Variants in PDE4B observed in about 807,000 individuals in gnomAD.
PDE4B encodes the protein phosphodiesterase 4B.
PDE4B carries 20 observed loss-of-function variants against 82.2 expected under a neutral mutation model. The ratio of observed to expected loss-of-function variants is 0.24; its 90% CI spans 0.17 to 0.35. The LOEUF is 0.35. PDE4B is among the 10% of genes least tolerant of loss of function. PDE4B has a pLI of 1.00. For synonymous variants in PDE4B, 320 were observed against 318.9 expected (o/e 1.00, Z -0.04); for missense variants, 655 against 907.2 (o/e 0.72, Z 3.57).
At chr1:66,014,722 A>C (rs1364686933) in intron 3 of PDE4B, among the ~76,000 whole-genome samples, 1 of 152,156 alleles carries the variant, frequency 6.6e-6, no homozygotes, top group Admixed American at 6.6e-5. Context: ...AACATTTAGC[A>C]GTAGGTGGGG....
At chr1:66,354,482 G>A in intron 8 of PDE4B, 3 of 1,025,220 alleles carry the variant, frequency 2.9e-6, no homozygotes, top group South Asian at 8.2e-5. Flanking sequence ...AGCTGAGTAG[G>A]ACTAATGTAG....
At chr1:66,131,950 C>T (rs1379190681) in intron 3 of PDE4B, among the ~76,000 whole-genome samples, 1 of 151,846 alleles carries the variant, frequency 6.6e-6, no homozygotes, top group African/African-American at 2.4e-5. Context: ...ATGTAGAACC[C>T]TATGAGGGAA....
chr1:66,053,559 T>A (rs1403634434), intron 3 of PDE4B, among the ~76,000 whole-genome samples: 1 of 151,886 alleles, frequency 6.6e-6, no homozygotes, highest in African/African-American at 2.4e-5. Flanking sequence ...ACACAGTGGG[T>A]GAATGTTAGG....
At chr1:66,098,639 G>C (rs762587580) in intron 3 of PDE4B, among the ~76,000 whole-genome samples, 3 of 151,992 alleles carry the variant, frequency 2.0e-5, no homozygotes, top group Admixed American at 6.6e-5. Context: ...TGCTCCCTAG[G>C]TTCCAAGTAA....
At chr1:66,266,793 A>T (rs1321785545) in intron 7 of PDE4B, 5 of 454,592 alleles carry the variant, frequency 1.1e-5, no homozygotes, top group Non-Finnish European at 2.2e-5. Flanking sequence ...AACCAGTTCT[A>T]TGATATTTGT....
intron 3 of PDE4B, among the ~76,000 whole-genome samples, chr1:66,053,759 T>C (rs1655158388): frequency 2.0e-5 from 3 of 152,140 alleles, no homozygotes; most frequent in Admixed American, 2.0e-4. Flanking sequence ...CTTGGGAGGC[T>C]GAGGCAGGAG....
chr1:65,809,138 C>T (rs1310349435), intron 1 of PDE4B, among the ~76,000 whole-genome samples: 1 of 151,780 alleles, frequency 6.6e-6, no homozygotes, highest in East Asian at 1.9e-4. Flanking sequence ...CGAAACCAGC[C>T]TGGTCAACAT....
intron 3 of PDE4B, among the ~76,000 whole-genome samples, chr1:66,006,918 C>T (rs1280531182): frequency 6.6e-6 from 1 of 152,052 alleles, no homozygotes; most frequent in Non-Finnish European, 1.5e-5. Flanking sequence ...TATTTCCTAA[C>T]AGCAGTGTGA....
chr1:65,804,958 T>C (rs1047530829), intron 1 of PDE4B, among the ~76,000 whole-genome samples: 1 of 110,046 alleles, frequency 9.1e-6, no homozygotes, highest in Non-Finnish European at 1.8e-5. Context: ...CATCTTTTTT[T>C]TTGGGGGGGT....
At chr1:66,105,671 G>T (rs1381073811) in intron 3 of PDE4B, among the ~76,000 whole-genome samples, 9 of 152,182 alleles carry the variant, frequency 5.9e-5, no homozygotes, top group East Asian at 3.9e-4. Flanking sequence ...TTGTAAGTTG[G>T]ATTCCTAGGT....
rs180781079 is a variant in PDE4B, at chr1:65,794,188, T to G, written c.-71+940T>G. Among the ~76,000 whole-genome samples the G allele has an allele frequency of 9.2e-5, 14 of 152,332 alleles. No individual in the cohort carries two copies. In the East Asian group the frequency reaches 1.5e-3, roughly 17 times the overall value. On this transcript the variant is annotated intron_variant, in intron 1 of 16. Transcript: ENST00000341517. ...GATGCCACTGAACAGAAATGGTAAC[T>G]CTATGCATTCTGCATCTTAGATCTG...
chr1:66,285,552 G>A (rs1414414719), intron 7 of PDE4B, among the ~76,000 whole-genome samples: 6 of 151,934 alleles, frequency 3.9e-5, no homozygotes, highest in African/African-American at 1.2e-4. Context: ...ATATGTCCAT[G>A]TGTCCACTGT....
chr1:66,310,974 A>G (rs1197225452), intron 7 of PDE4B, among the ~76,000 whole-genome samples: 1 of 152,248 alleles, frequency 6.6e-6, no homozygotes, highest in Non-Finnish European at 1.5e-5. Context: ...CACAATGTAT[A>G]CATTGATATG....
chr1:66,096,065 A>G (rs1645107775), intron 3 of PDE4B, among the ~76,000 whole-genome samples: 1 of 151,704 alleles, frequency 6.6e-6, no homozygotes, highest in East Asian at 1.9e-4. Flanking sequence ...GAAACTGTAT[A>G]TTATTGTTGA....
At chr1:66,138,582 T>G (rs1165744441) in intron 3 of PDE4B, among the ~76,000 whole-genome samples, 1 of 152,112 alleles carries the variant, frequency 6.6e-6, no homozygotes, top group East Asian at 1.9e-4. Flanking sequence ...GCAAAATGAC[T>G]AGGCATTTAG....
chr1:66,225,659 G>T (rs1233946147), intron 3 of PDE4B, among the ~76,000 whole-genome samples: 1 of 152,166 alleles, frequency 6.6e-6, no homozygotes, highest in East Asian at 1.9e-4. Flanking sequence ...GAATACCTGG[G>T]CCCAGTAACC....
intron 3 of PDE4B, among the ~76,000 whole-genome samples, chr1:66,121,170 A>C (rs1047355026): frequency 6.6e-6 from 1 of 152,146 alleles, no homozygotes; most frequent in African/African-American, 2.4e-5. Flanking sequence ...GTAAAGGATC[A>C]AGAAGAAAGT....
In PDE4B at chr1:66,179,609, A is replaced by T. The variant is rs1428656538; in HGVS notation, c.282-67851A>T. ...AATGTGTAGGATGACACAGATGCCAATCAATAGTTGCTGAATGATGAATAG... is the reference window on the plus strand; with the variant it reads ...AATGTGTAGGATGACACAGATGCCATTCAATAGTTGCTGAATGATGAATAG... On this transcript the variant is annotated intron_variant, in intron 3 of 16. Transcript: ENST00000341517. Among the ~76,000 whole-genome samples, 3 of 152,250 alleles carry T rather than the reference A, an allele frequency of 2.0e-5. No homozygotes were observed. The East Asian group carries it at 5.8e-4, about 29-fold the overall frequency.
intron 3 of PDE4B, among the ~76,000 whole-genome samples, chr1:66,219,897 A>G (rs1650832497): frequency 6.6e-6 from 1 of 152,312 alleles, no homozygotes; most frequent in African/African-American, 2.4e-5. Context: ...AGCAGCAGAG[A>G]CAACATACTG....
Sources: gnomAD v4.1 joint callset for allele counts (sites outside exome capture counted in the v4.1 genomes callset) on GRCh38, gnomAD v4.1.1 for gene constraint, MANE v1.5 for transcripts, NCBI Gene and HGNC (gene_info 2026-07-23, HGNC 2026-07-21) for gene names.